The following ARMC6 variants were observed in gnomAD, a reference collection of about 807,000 sequenced individuals.
ARMC6 encodes armadillo repeat-containing protein 6.
In ARMC6, 43 loss-of-function variants were observed where a neutral mutation model predicts 49.2. That is an observed-to-expected ratio of 0.87 (90% CI 0.69 to 1.13). ARMC6 has a LOEUF of 1.13. ARMC6 is among the 50% of genes most tolerant of loss of function. The probability of loss-of-function intolerance (pLI) is 0.00; values close to 1 mark genes in which losing one functional copy is unlikely to be tolerated. For synonymous variants in ARMC6, 262 were observed against 289.6 expected (o/e 0.90, Z 0.97); for missense variants, 627 against 682.0 (o/e 0.92, Z 0.90).
Position 19,054,293 on chromosome 19 carries a change from A to G in ARMC6, c.995A>G (p.His332Arg). 1 of 1,600,328 alleles carries G rather than the reference A, an allele frequency of 6.2e-7. No homozygotes were observed. The highest frequency in any genetic ancestry group is 1.1e-5 in the South Asian group (1 of 89,372). ...TCCCTGCTAGCCGACTGCAATGACCACCAGATGAGGGACCAGAGCGGCGTT... is the reference window on the plus strand; with the variant it reads ...TCCCTGCTAGCCGACTGCAATGACCGCCAGATGAGGGACCAGAGCGGCGTT... ...LVSLLADCND[H>R]QMRDQSGVQE... The change falls in exon 6 of 9, where the codon CAC becomes CGC. Residue 332 changes from histidine to arginine, a missense_variant. Transcript: ENST00000535612.
chr19:19,034,030 GAA>G lies in ARMC6; in HGVS notation c.-79-92_-79-91del, dbSNP rs3214142. ...GACCCTCGGGTACGTGGTTTGGGGG[GAA>G]AAAAAAAATGAAAGAATTTTACAGA... On this transcript the variant is annotated intron_variant, in intron 1 of 8. Transcript: ENST00000535612. 1.3e-3 allele frequency: 699 copies of G among 522,764 alleles called. 5 individuals carry two copies. Among genetic ancestry groups the G allele is most frequent in the African/African-American group, 7.0e-3 (354 of 50,904 alleles). The allele number at this position is 522,764 out of a possible 1,614,324, so 32.4% of individuals were successfully genotyped here.
At chr19:19,036,431 C>T (rs1347130449) in intron 2 of ARMC6, among the ~76,000 whole-genome samples, 3 of 152,180 alleles carry the variant, frequency 2.0e-5, no homozygotes, top group South Asian at 2.1e-4. Context: ...CAGGTGATGA[C>T]TTTCTGTCCT....
intron 4 of ARMC6, among the ~76,000 whole-genome samples, chr19:19,045,886 C>T (rs1599640266): frequency 6.6e-6 from 1 of 152,078 alleles, no homozygotes. Flanking sequence ...CTCCTGACCT[C>T]GTGATCCGTC....
intron 5 of ARMC6, 55 bp downstream of exon 5, chr19:19,052,250 A>C: frequency 6.7e-7 from 1 of 1,487,018 alleles, no homozygotes; most frequent in African/African-American, 1.4e-5. Flanking sequence ...GTCAGATGTG[A>C]CCAGAGTGAG....
chr19:19,035,526 C>A (rs2059357023), intron 2 of ARMC6, among the ~76,000 whole-genome samples: 1 of 152,258 alleles, frequency 6.6e-6, no homozygotes, highest in Non-Finnish European at 1.5e-5. Flanking sequence ...CTTTCCTCCT[C>A]CAACTCAGCC....
Position 19,055,337 on chromosome 19 carries a change from C to T in ARMC6, c.1096C>T (p.Arg366Cys), listed in dbSNP as rs1249250353. The change falls in exon 7 of 9, where the codon CGT (arginine) becomes TGT (cysteine). Residue 366 changes from arginine (R) to cysteine (C), a missense_variant. Coordinates refer to ENST00000535612, the MANE Select transcript of ARMC6 (RefSeq NM_001199196.2). The surrounding 1 kb of genome is among the most constrained non-coding windows in gnomAD (Gnocchi z 5.7). ...GNDDVKDAIV[R>C]AGGTESIVAA... The stretch of plus-strand genomic sequence containing the variant: ...CGACGACGTGAAAGATGCTATTGTC[C>T]GTGCTGGTGGGACGGAGTCCATCGT... 10 of 1,613,252 alleles carry T rather than the reference C, an allele frequency of 6.2e-6. No homozygotes were observed. The highest frequency in any genetic ancestry group is 1.6e-4 in the Middle Eastern group (1 of 6,078).
chr19:19,033,873 C>T lies in ARMC6; in HGVS notation c.-137C>T, dbSNP rs964716000. 2.8e-6 allele frequency: 1 copy of T among 358,004 alleles called. No homozygotes were observed. Among genetic ancestry groups the T allele is most frequent in the Non-Finnish European group, 5.1e-6 (1 of 195,172 alleles). 22.2% of individuals were successfully genotyped at this position (358,004 alleles called of 1,614,324 possible). ...TACGGCGGCCGGAAGGGGCTAGAGG[C>T]GGCTCCCTGGGTGACAACCGCGCGC... On this transcript the variant is annotated 5_prime_UTR_variant, in exon 1 of 9. Transcript: ENST00000535612.
In ARMC6 at chr19:19,055,544, G is replaced by A. The variant is rs1192823954; in HGVS notation, c.1155+148G>A. ...CATTGGCTCTCAAATGCTGACCTGC[G>A]TATGCATGACTTTGGGTGTCCTGGA... On this transcript the variant is annotated intron_variant, in intron 7 of 8. Transcript: ENST00000535612. This position sits in a 1 kb window ranked among gnomAD's most constrained non-coding sequence, Gnocchi z 5.7. The A allele has an allele frequency of 1.6e-5, 21 of 1,278,826 alleles. No homozygotes were observed. Among genetic ancestry groups the A allele is most frequent in the East Asian group, 4.9e-5 (2 of 40,746 alleles). The allele number at this position is 1,278,826 out of a possible 1,614,324, so 79.2% of individuals were successfully genotyped here. A position where few individuals can be genotyped will look rare whatever the true frequency, so the allele number is the denominator to read the frequency against.
At chr19:19,052,278 G>T in intron 5 of ARMC6, 83 bp downstream of exon 5, 1 of 1,319,908 alleles carries the variant, frequency 7.6e-7, no homozygotes, top group Non-Finnish European at 1.0e-6. Context: ...GCTCAGGACT[G>T]CTTTAGGCAC....
chr19:19,054,203 G>A lies in ARMC6; in HGVS notation c.905G>A (p.Arg302His), dbSNP rs776411936. The change falls in exon 6 of 9, where the codon CGC (arginine) becomes CAC (histidine). Residue 302 changes from arginine to histidine, a missense_variant. Arg to His is a conservative substitution (Grantham distance 29). Transcript: ENST00000535612. ...ILSELCGTLS[R>H]LAIRNEFCQE... is the part of the protein sequence containing the mutation. ...AGCGAGCTCTGTGGAACCCTGTCCC[G>A]CCTGGCCATTCGCAACGAGTTCTGC... The A allele has an allele frequency of 1.1e-5, 17 of 1,610,986 alleles. No homozygotes were observed. The highest frequency in any genetic ancestry group is 1.1e-5 in the Non-Finnish European group (13 of 1,178,746).
intron 2 of ARMC6, chr19:19,040,729 A>G (rs760790199): frequency 1.8e-5 from 8 of 442,024 alleles, no homozygotes; most frequent in South Asian, 6.3e-5. Flanking sequence ...GCTCACTGCA[A>G]CCTCCGCCTC....
In ARMC6 at chr19:19,033,807, C is replaced by T. The variant is rs573898984; in HGVS notation, c.-203C>T. 7.0e-4 allele frequency: 178 copies of T among 255,016 alleles called. No homozygotes were observed. The highest frequency in any genetic ancestry group is 3.7e-3 in the African/African-American group (164 of 44,552). The allele number at this position is 255,016 out of a possible 1,614,324, so 15.8% of individuals were successfully genotyped here. A position where few individuals can be genotyped will look rare whatever the true frequency, so the allele number is the denominator to read the frequency against. On this transcript the variant is annotated 5_prime_UTR_variant, in exon 1 of 9. Coordinates refer to ENST00000535612, the MANE Select transcript of ARMC6 (RefSeq NM_001199196.2). ...GGTTATCGTGAGCGTCCGCGAGTCT[C>T]TGGGAGGCCAAGCCTAGGGGCGCCA...
intron 3 of ARMC6, among the ~76,000 whole-genome samples, chr19:19,043,554 G>A (rs2059425862): frequency 6.6e-6 from 1 of 152,162 alleles, no homozygotes; most frequent in Admixed American, 6.5e-5. Context: ...CTAGACAGGG[G>A]CCAGTGGGAC....
chr19:19,035,992 GT>G (rs1265105523), intron 2 of ARMC6, among the ~76,000 whole-genome samples: 15 of 152,272 alleles, frequency 9.9e-5, no homozygotes, highest in African/African-American at 3.6e-4. Context: ...TTTATATGGG[GT>G]ACAGGGCAGG....
chr19:19,047,832 A>G (rs751567373), intron 4 of ARMC6, among the ~76,000 whole-genome samples: 2 of 152,210 alleles, frequency 1.3e-5, no homozygotes, highest in Non-Finnish European at 2.9e-5. Flanking sequence ...ATGAGATATC[A>G]ATCAATACAT....
chr19:19,049,254 C>T (rs993482858), intron 4 of ARMC6, among the ~76,000 whole-genome samples: 3 of 151,862 alleles, frequency 2.0e-5, no homozygotes, highest in African/African-American at 7.3e-5. Flanking sequence ...GGTTTTACCA[C>T]GTTGCCCAGG....
In ARMC6 at chr19:19,034,162, G is replaced by T; in HGVS notation, c.-48G>T. Reference sequence around the variant, plus strand: ...TGCACTGAGTGCCTGCTGCGTGTCGGGCCCCGTCCTAGGCAGTGGGGACAA... The same window carrying T: ...TGCACTGAGTGCCTGCTGCGTGTCGTGCCCCGTCCTAGGCAGTGGGGACAA... On this transcript the variant is annotated 5_prime_UTR_variant, in exon 2 of 9. Coordinates refer to ENST00000535612, the MANE Select transcript of ARMC6 (RefSeq NM_001199196.2). The T allele has an allele frequency of 7.0e-7, 1 of 1,424,006 alleles. No individual in the cohort carries two copies. The highest frequency in any genetic ancestry group is 2.3e-5 in the East Asian group (1 of 43,738). 88.2% of individuals were successfully genotyped at this position (1,424,006 alleles called of 1,614,324 possible).
rs369331815 is a variant in ARMC6, at chr19:19,042,893, T to C, written c.196+16T>C. 1.2e-6 allele frequency: 2 copies of C among 1,613,060 alleles called. No homozygotes were observed. On this transcript the variant is annotated intron_variant, in intron 3 of 8. Coordinates refer to ENST00000535612, the MANE Select transcript of ARMC6 (RefSeq NM_001199196.2). Reference sequence around the variant, plus strand: ...GAATCGCAAGGTAGGGTGGTGTGACTGTCACCTACCATCCTTGGCTCTTAG... The same window carrying C: ...GAATCGCAAGGTAGGGTGGTGTGACCGTCACCTACCATCCTTGGCTCTTAG...
chr19:19,051,894 G>C lies in ARMC6; in HGVS notation c.552G>C (p.Thr184=). 6.2e-7 allele frequency: 1 copy of C among 1,614,124 alleles called. No individual in the cohort carries two copies. Among genetic ancestry groups the C allele is most frequent in the Non-Finnish European group, 8.5e-7 (1 of 1,180,032 alleles). ...DAQGLQLLVA[T]LTQNADEADL... is the part of the protein sequence containing the mutation. ...AGGGCCTGCAGCTCCTAGTGGCCAC[G>C]CTGACCCAGAATGCTGATGAGGCTG... Residue 184 remains threonine (T), a synonymous_variant, in exon 5 of 9, where the codon ACG becomes ACC. Transcript: ENST00000535612.
Sources: gnomAD v4.1 joint callset for allele counts (sites outside exome capture counted in the v4.1 genomes callset) on GRCh38, gnomAD v4.1.1 for gene constraint, Gnocchi (gnomAD v3.1) non-coding constraint, MANE v1.5 for transcripts, NCBI Gene and HGNC (gene_info 2026-07-23, HGNC 2026-07-21) for gene names.